Variants in NETO1 observed in about 807,000 individuals in gnomAD.
NETO1 encodes neuropilin and tolloid like 1, also known as neuropilin and tolloid-like protein 1.
In NETO1, 26 loss-of-function variants were observed where a neutral mutation model predicts 61.3. That is an observed-to-expected ratio of 0.42 (90% confidence interval 0.31 to 0.59). The LOEUF is 0.59. NETO1 is among the 20% of genes least tolerant of loss of function. The pLI is 0.12. For synonymous variants in NETO1, 225 were observed against 225.8 expected (o/e 1.00, Z 0.03); for missense variants, 531 against 662.8 (o/e 0.80, Z 2.18).
In NETO1 at chr18:72,743,909, G is replaced by T. The variant is rs2070378107; in HGVS notation, c.*4270C>A. 1 of 152,150 alleles carries T rather than the reference G, an allele frequency of 6.6e-6. No individual in the cohort carries two copies. Among genetic ancestry groups the T allele is most frequent in the Non-Finnish European group, 1.5e-5 (1 of 68,030 alleles). 9.4% of individuals were successfully genotyped at this position (152,150 alleles called of 1,614,324 possible). A position where few individuals can be genotyped will look rare whatever the true frequency, so the allele number is the denominator to read the frequency against. On this transcript the variant is annotated 3_prime_UTR_variant, in exon 11 of 11. Coordinates refer to ENST00000327305, the MANE Select transcript of NETO1 (RefSeq NM_138966.5). ...CACTATAAAATAGCATGCCTCAGAGGTTGGAAAGATGGCAGAAGTTGGGGA... is the reference window on the plus strand; with the variant it reads ...CACTATAAAATAGCATGCCTCAGAGTTTGGAAAGATGGCAGAAGTTGGGGA...
At chr18:72,793,933 T>G (rs964909454) in intron 6 of NETO1, among the ~76,000 whole-genome samples, 184 bp downstream of exon 6, 4 of 152,214 alleles carry the variant, frequency 2.6e-5, no homozygotes, top group Non-Finnish European at 5.9e-5. Flanking sequence ...GATTGCTATT[T>G]ACGACATCAA....
intron 6 of NETO1, among the ~76,000 whole-genome samples, chr18:72,788,348 G>A (rs1410785045): frequency 1.3e-5 from 2 of 151,976 alleles, no homozygotes; most frequent in Non-Finnish European, 2.9e-5. Context: ...ACTTTACTGG[G>A]TCCAGAGCTG....
chr18:72,851,365 T>C (rs1266461146), intron 4 of NETO1, among the ~76,000 whole-genome samples: 1 of 150,602 alleles, frequency 6.6e-6, no homozygotes, highest in East Asian at 2.0e-4. Context: ...GAGCTGAGAT[T>C]GCACCACTGC....
intron 4 of NETO1, among the ~76,000 whole-genome samples, chr18:72,801,961 T>C (rs527474667): frequency 1.3e-5 from 2 of 152,244 alleles, no homozygotes; most frequent in South Asian, 4.2e-4. Flanking sequence ...GAACCTGACA[T>C]TTCAAACAGG....
intron 1 of NETO1, chr18:72,865,772 G>C (rs2074715965): frequency 7.6e-7 from 1 of 1,324,396 alleles, no homozygotes; most frequent in African/African-American, 1.5e-5. Flanking sequence ...ACAGATTAAT[G>C]TGGATTGTGG....
At chr18:72,854,025 A>C (rs1376357787) in intron 4 of NETO1, among the ~76,000 whole-genome samples, 1 of 152,144 alleles carries the variant, frequency 6.6e-6, no homozygotes, top group Non-Finnish European at 1.5e-5. Context: ...TGAATCCATG[A>C]CAATATTTTA....
chr18:72,801,622 C>T (rs1232293085), intron 4 of NETO1, among the ~76,000 whole-genome samples: 2 of 152,098 alleles, frequency 1.3e-5, no homozygotes, highest in African/African-American at 2.4e-5. Flanking sequence ...CCCAGTAACC[C>T]GATTTTTGTT....
chr18:72,773,739 C>G (rs1237486993), intron 7 of NETO1, among the ~76,000 whole-genome samples: 1 of 152,106 alleles, frequency 6.6e-6, no homozygotes, highest in Non-Finnish European at 1.5e-5. Flanking sequence ...TGAGGCCTCT[C>G]CAGCTATGTG....
At chr18:72,807,755 C>CA (rs749448020) in intron 4 of NETO1, among the ~76,000 whole-genome samples, 12,743 of 42,296 alleles carry the variant, frequency 0.3, 694 homozygotes, top group Middle Eastern at 0.48. Context: ...CACACACACA[C>CA]CCATACTGTC....
intron 7 of NETO1, among the ~76,000 whole-genome samples, chr18:72,779,089 C>T (rs1220644800): frequency 6.6e-6 from 1 of 152,142 alleles, no homozygotes; most frequent in Non-Finnish European, 1.5e-5. Context: ...AATGTGTAGG[C>T]ACCAGGAAAA....
intron 4 of NETO1, among the ~76,000 whole-genome samples, chr18:72,800,653 C>T (rs2072474611): frequency 6.6e-6 from 1 of 152,140 alleles, no homozygotes; most frequent in African/African-American, 2.4e-5. Flanking sequence ...CCATCCCCCA[C>T]CCCAGCACAT....
At chr18:72,863,111 T>C (rs892177351) in intron 3 of NETO1, among the ~76,000 whole-genome samples, 4 of 152,186 alleles carry the variant, frequency 2.6e-5, no homozygotes, top group African/African-American at 9.7e-5. Flanking sequence ...TGGCACCTCA[T>C]TGTCTCCAAC....
chr18:72,853,304 A>C (rs1298247935), intron 4 of NETO1: 1 of 152,250 alleles, frequency 6.6e-6, no homozygotes, highest in East Asian at 1.9e-4. Context: ...TAGTATAAAC[A>C]GAACATTCAG....
At chr18:72,844,908 G>T (rs1459762619) in intron 4 of NETO1, among the ~76,000 whole-genome samples, 1 of 151,154 alleles carries the variant, frequency 6.6e-6, no homozygotes, top group East Asian at 1.9e-4. Context: ...TGAGGACACA[G>T]TGAGGGCTCT....
chr18:72,750,673 A>G, intron 8 of NETO1, 53 bp from the exon 9 acceptor site: 3 of 1,312,664 alleles, frequency 2.3e-6, no homozygotes, highest in Non-Finnish European at 2.1e-6. Context: ...GAAGCAACGC[A>G]GCAAACATTA....
At chr18:72,817,948 G>T (rs895660540) in intron 4 of NETO1, among the ~76,000 whole-genome samples, 2 of 152,190 alleles carry the variant, frequency 1.3e-5, no homozygotes, top group African/African-American at 2.4e-5. Context: ...ACTGAAGCCT[G>T]CTATAGCCCT....
At chr18:72,793,382 T>C (rs545446449) in intron 6 of NETO1, among the ~76,000 whole-genome samples, 4 of 152,284 alleles carry the variant, frequency 2.6e-5, no homozygotes, top group African/African-American at 9.6e-5. Flanking sequence ...AGAATCACCA[T>C]AGTTGTGCTA....
chr18:72,813,166 A>G (rs2072923206), intron 4 of NETO1, among the ~76,000 whole-genome samples: 1 of 152,180 alleles, frequency 6.6e-6, no homozygotes, highest in South Asian at 2.1e-4. Context: ...TGTTGAGCAG[A>G]GTGAGGAGTG....
rs2070385101 is a variant in NETO1 at position 72,744,240 on chromosome 18, G to T, written c.*3939C>A. On this transcript the variant is annotated 3_prime_UTR_variant, in exon 11 of 11. Transcript: ENST00000327305. Reference sequence around the variant, plus strand: ...TTTATTACCCTGTTTTATTTATTTTGATGATACAATTCAGTTAAATTTGTG... The same window carrying T: ...TTTATTACCCTGTTTTATTTATTTTTATGATACAATTCAGTTAAATTTGTG... 3 of 152,090 alleles carry T rather than the reference G, an allele frequency of 2.0e-5. No homozygotes were observed. Among genetic ancestry groups the T allele is most frequent in the African/African-American group, 7.2e-5 (3 of 41,408 alleles). 9.4% of individuals were successfully genotyped at this position (152,090 alleles called of 1,614,324 possible). A position where few individuals can be genotyped will look rare whatever the true frequency, so the allele number is the denominator to read the frequency against.
Sources: allele counts gnomAD v4.1 joint callset (sites outside exome capture counted in the v4.1 genomes callset), GRCh38; gene constraint gnomAD v4.1.1; transcripts MANE v1.5; gene names NCBI Gene and HGNC (gene_info 2026-07-23, HGNC 2026-07-21).